USP10: variants seen among roughly 807,000 people sequenced by gnomAD.
USP10 encodes ubiquitin specific peptidase 10, also known as ubiquitin carboxyl-terminal hydrolase 10.
Under a neutral mutation model 84.5 loss-of-function variants are expected in USP10, and 22 were observed. The ratio of observed to expected loss-of-function variants is 0.26; its 90% CI spans 0.19 to 0.37. The LOEUF (loss-of-function observed/expected upper bound fraction) is 0.37. Among genes scored for constraint, USP10 ranks in the 10% least tolerant of loss-of-function variants. The pLI is 1.00. For missense variants in USP10, 1,019 were observed against 998.9 expected, an observed-to-expected ratio of 1.02 and a Z score of -0.27; for synonymous variants, 454 against 387.6, an observed-to-expected ratio of 1.17 and a Z score of -2.01.
At chr16:84,704,289 A>T (rs111743041) in intron 1 of USP10, among the ~76,000 whole-genome samples, 136 of 152,374 alleles carry the variant, frequency 8.9e-4, no homozygotes, top group African/African-American at 3.1e-3. Flanking sequence ...TACTATACCA[A>T]AATATGAAAC....
intron 3 of USP10, among the ~76,000 whole-genome samples, chr16:84,743,555 A>G (rs1339698281): frequency 6.6e-6 from 1 of 151,672 alleles, no homozygotes; most frequent in Non-Finnish European, 1.5e-5. Flanking sequence ...AGATGCCTTG[A>G]AAAAAAAATT....
chr16:84,767,955 T>G (rs1914041929), intron 10 of USP10, among the ~76,000 whole-genome samples: 1 of 152,170 alleles, frequency 6.6e-6, no homozygotes, highest in Non-Finnish European at 1.5e-5. Context: ...CCCTGATTAC[T>G]TGAGATCAGG....
chr16:84,761,541 A>G (rs1421930421), intron 8 of USP10, among the ~76,000 whole-genome samples: 1 of 152,202 alleles, frequency 6.6e-6, no homozygotes. Context: ...TGGGGCCACA[A>G]GGCTACGCGT....
intron 1 of USP10, among the ~76,000 whole-genome samples, chr16:84,710,361 A>C (rs903375242): frequency 1.3e-5 from 2 of 151,498 alleles, no homozygotes; most frequent in African/African-American, 4.8e-5. Context: ...TTGATTCTTT[A>C]GGCTCTCCTC....
At chr16:84,746,574 G>T (rs138515338) in intron 4 of USP10, among the ~76,000 whole-genome samples, 12 of 152,310 alleles carry the variant, frequency 7.9e-5, no homozygotes, top group African/African-American at 2.4e-4. Context: ...ATATAGTACA[G>T]ATATGGTATA....
At chr16:84,751,529 A>G (rs1036807749) in intron 4 of USP10, among the ~76,000 whole-genome samples, 39 of 152,246 alleles carry the variant, frequency 2.6e-4, no homozygotes, top group Non-Finnish European at 1.3e-4. Flanking sequence ...TTTAGTCCAC[A>G]TCTGATTCGA....
At chr16:84,775,815 A>AT (rs1340445896) in intron 13 of USP10, among the ~76,000 whole-genome samples, 1 of 151,852 alleles carries the variant, frequency 6.6e-6, no homozygotes, top group Non-Finnish European at 1.5e-5. Context: ...CTGCAGTATC[A>AT]TTTTTTCTGC....
rs745488756 is a variant in USP10, at chr16:84,772,605, G to A, written c.2063G>A (p.Arg688Gln). The change falls in exon 12 of 14, where the codon CGA becomes CAA. Residue 688 changes from arginine to glutamine, a missense_variant. By Grantham distance (43) the Arg-to-Gln change is conservative. Around this residue, in one of 2 missense-constraint regions of USP10, gnomAD observed 232 missense variants for 290.1 expected, o/e 0.80. Coordinates refer to ENST00000219473, the MANE Select transcript of USP10 (RefSeq NM_005153.3). ...LPPVLVLHLK[R>Q]FVYEKTGGCQ... The stretch of plus-strand genomic sequence containing the variant: ...CCTGTCCTCGTGCTGCACCTGAAAC[G>A]ATTCGTTTATGAGAAGACTGGTGGG... The A allele has an allele frequency of 2.5e-6, 4 of 1,613,970 alleles. No individual in the cohort carries two copies. Among genetic ancestry groups the A allele is most frequent in the South Asian group, 1.1e-5 (1 of 91,080 alleles).
chr16:84,758,574 C>A (rs1003197021), intron 4 of USP10, 142 bp from the exon 5 acceptor site: 68 of 643,424 alleles, frequency 1.1e-4, no homozygotes, highest in South Asian at 6.9e-4. Context: ...CTGAATGAAG[C>A]CTTAACAGTA....
intron 4 of USP10, among the ~76,000 whole-genome samples, chr16:84,749,955 A>ACC (rs1911712611): frequency 6.6e-6 from 1 of 152,108 alleles, no homozygotes; most frequent in African/African-American, 2.4e-5. Context: ...GCCAGGGGAG[A>ACC]GCGTGTGAAC....
At chr16:84,760,046 CT>C (rs1913026184) in intron 7 of USP10, 100 bp downstream of exon 7, 1 of 1,526,592 alleles carries the variant, frequency 6.6e-7, no homozygotes, top group South Asian at 1.1e-5. Context: ...AAGATAGTGT[CT>C]TTACACCTAT....
intron 4 of USP10, among the ~76,000 whole-genome samples, chr16:84,750,471 C>G (rs1410652171): frequency 1.3e-5 from 2 of 152,030 alleles, no homozygotes; most frequent in East Asian, 1.9e-4. Context: ...ACGCGACACC[C>G]TTGTTAAGAG....
intron 4 of USP10, among the ~76,000 whole-genome samples, chr16:84,750,297 A>C (rs1220127260): frequency 2.0e-5 from 3 of 151,776 alleles, no homozygotes; most frequent in Admixed American, 6.6e-5. Context: ...AATCCTAGCT[A>C]CTGAGGAGGC....
At chr16:84,719,540 T>A (rs1438322499) in intron 1 of USP10, among the ~76,000 whole-genome samples, 1 of 152,234 alleles carries the variant, frequency 6.6e-6, no homozygotes, top group East Asian at 1.9e-4. Context: ...GTTCGAGGAC[T>A]GTTGTCTTAG....
At chr16:84,724,422 A>C (rs1188754938) in intron 1 of USP10, among the ~76,000 whole-genome samples, 4 of 152,222 alleles carry the variant, frequency 2.6e-5, no homozygotes, top group Admixed American at 1.3e-4. Context: ...TAGCACTTTA[A>C]TAGTAGAAAT....
rs1913043040 is a variant in USP10, at chr16:84,760,168, G to T, written c.1451-4G>T. 6.2e-7 allele frequency: 1 copy of T among 1,600,720 alleles called. No homozygotes were observed. Among genetic ancestry groups the T allele is most frequent in the Non-Finnish European group, 8.5e-7 (1 of 1,172,752 alleles). ...GGAAAACCTGTGTCCTCTTTCCATT[G>T]CAGCTCTTGGAGATAAAATCGTGAG... On this transcript the variant is annotated splice_region_variant and splice_polypyrimidine_tract_variant and intron_variant, in intron 7 of 13. Transcript: ENST00000219473.
At chr16:84,759,741 A>G in intron 6 of USP10, 150 bp from the exon 7 acceptor site, 1 of 809,284 alleles carries the variant, frequency 1.2e-6, no homozygotes, top group East Asian at 2.7e-5. Flanking sequence ...TGCATATAGA[A>G]GAGACTTGAG....
chr16:84,758,645 C>T, intron 4 of USP10, 71 bp from the exon 5 acceptor site: 1 of 1,059,950 alleles, frequency 9.4e-7, no homozygotes, highest in Non-Finnish European at 1.5e-6. Context: ...CAGAGTAGAG[C>T]ATGTGAAATG....
At chr16:84,701,478 A>T (rs1368006373) in intron 1 of USP10, among the ~76,000 whole-genome samples, 1 of 151,664 alleles carries the variant, frequency 6.6e-6, no homozygotes, top group Non-Finnish European at 1.5e-5. Context: ...CCTTTCTGTT[A>T]AAAAAAAAGA....
Sources: gnomAD v4.1 joint callset for allele counts (sites outside exome capture counted in the v4.1 genomes callset) on GRCh38, gnomAD v4.1.1 for gene constraint, gnomAD v4.1.1 regional missense constraint, MANE v1.5 for transcripts, NCBI Gene and HGNC (gene_info 2026-07-23, HGNC 2026-07-21) for gene names.